Variants in PER1 observed in about 807,000 individuals in gnomAD.
PER1 encodes period circadian protein homolog 1.
Under a neutral mutation model 125.9 loss-of-function variants are expected in PER1, and 87 were observed. That is an observed-to-expected ratio of 0.69 (90% CI 0.58 to 0.83). The LOEUF is 0.83. Ranked by LOEUF, PER1 falls within the 40% of genes least tolerant of loss-of-function variation. The pLI is 0.00. For missense variants in PER1, 1,775 were observed against 1,722.8 expected (o/e 1.03, Z -0.54); for synonymous variants, 801 against 714.7 (o/e 1.12, Z -1.93).
Position 8,141,801 on chromosome 17 carries a change from T to A in PER1, c.3600+4A>T, listed in dbSNP as rs1982096745. 1 of 1,516,280 alleles carries A rather than the reference T, an allele frequency of 6.6e-7. No homozygotes were observed. The allele number at this position is 1,516,280 out of a possible 1,614,324, so 93.9% of individuals were successfully genotyped here. On this transcript the variant is annotated splice_donor_region_variant and intron_variant, in intron 22 of 22. Transcript: ENST00000317276. ...TTTTTCTCCCCGTCCCAGGCTTCTCTCACCATCACATCAAGAGCCCGAGGC... is the reference window on the plus strand; with the variant it reads ...TTTTTCTCCCCGTCCCAGGCTTCTCACACCATCACATCAAGAGCCCGAGGC...
rs977637639 is a variant in PER1 at position 8,150,512 on chromosome 17, T to C, written c.195A>G (p.Ala65=). ...NESNGHESRG[A]SQRSSHSSSS... ...AGGAGCTGTGTGAGCTCCGCTGAGATGCGCCTCTAGACTCATGCCCGTTGG... is the reference window on the plus strand; with the variant it reads ...AGGAGCTGTGTGAGCTCCGCTGAGACGCGCCTCTAGACTCATGCCCGTTGG... The change falls in exon 2 of 23, where the codon GCA becomes GCG. Residue 65 remains alanine, a synonymous_variant. Coordinates refer to ENST00000317276, the MANE Select transcript of PER1 (RefSeq NM_002616.3). 2 of 1,614,018 alleles carry C rather than the reference T, an allele frequency of 1.2e-6. No homozygotes were observed. Among genetic ancestry groups the C allele is most frequent in the Non-Finnish European group, 1.7e-6 (2 of 1,180,002 alleles).
rs1338292513 is a variant in PER1, at chr17:8,146,771, G to C, written c.1736-6C>G. 2.7e-5 allele frequency: 43 copies of C among 1,609,188 alleles called. No homozygotes were observed. The highest frequency in any genetic ancestry group is 3.6e-5 in the Non-Finnish European group (42 of 1,178,254). Reference sequence around the variant, plus strand: ...GGCCTTGAACGTGCCTGTAGCTGGGGCAAAGAGAGAAAGAGGAAAATAGCC... The same window carrying C: ...GGCCTTGAACGTGCCTGTAGCTGGGCCAAAGAGAGAAAGAGGAAAATAGCC... On this transcript the variant is annotated splice_polypyrimidine_tract_variant and splice_region_variant and intron_variant, in intron 14 of 22. Transcript: ENST00000317276.
intron 19 of PER1, 52 bp downstream of exon 19, chr17:8,143,214 G>C: frequency 2.3e-6 from 3 of 1,288,768 alleles, no homozygotes; most frequent in Non-Finnish European, 3.1e-6. Context: ...GGGTGGCAGA[G>C]GGGCGGGGCT....
At chr17:8,147,227 T>A (rs1461922317) in intron 13 of PER1, 23 bp downstream of exon 13, 1 of 1,588,762 alleles carries the variant, frequency 6.3e-7, no homozygotes, top group Non-Finnish European at 8.6e-7. Context: ...GATTAGAGGG[T>A]GAGGTAGGAG....
chr17:8,149,798 T>A lies in PER1; in HGVS notation c.608A>T (p.Glu203Val), dbSNP rs777279675. Residue 203 changes from glutamate (E) to valine (V), a missense_variant, in exon 5 of 23, where the codon GAG becomes GTG. Physicochemically the swap from Glu to Val is moderately radical, Grantham distance 121 (BLOSUM62 -2). Transcript: ENST00000317276. ...CSMDMSTYTL[E>V]ELEHITSEYT... is the part of the protein sequence containing the mutation. ...CTCAGACGTGATGTGCTCCAGCTCC[T>A]CCAGGGTATAGGTGGACATGTCCAT... 1 of 1,613,510 alleles carries A rather than the reference T, an allele frequency of 6.2e-7. No individual in the cohort carries two copies. Among genetic ancestry groups the A allele is most frequent in the Non-Finnish European group, 8.5e-7 (1 of 1,179,948 alleles).
In PER1 at chr17:8,145,970, G is replaced by T. The variant is rs765910222; in HGVS notation, c.2206C>A (p.Pro736Thr). 4 of 1,607,132 alleles carry T rather than the reference G, an allele frequency of 2.5e-6. No homozygotes were observed. In the South Asian group the frequency reaches 3.3e-5, roughly 13 times the overall value. ...TCCACACCCATACCCGACTCCGGGG[G>T]CTTCTTGTCTCCCACATGGACGATG... ...STIVHVGDKK[P>T]PESDIIMMED... The change falls in exon 17 of 23, where the codon CCC becomes ACC. Residue 736 changes from proline (P) to threonine (T), a missense_variant. Pro to Thr is a conservative substitution (Grantham distance 38, BLOSUM62 -1). Coordinates refer to ENST00000317276, the MANE Select transcript of PER1 (RefSeq NM_002616.3).
rs1247570853 is a variant in PER1, at chr17:8,146,377, T to C, written c.2033A>G (p.Lys678Arg). The C allele has an allele frequency of 6.2e-7, 1 of 1,602,420 alleles. No homozygotes were observed. Among genetic ancestry groups the C allele is most frequent in the South Asian group, 1.1e-5 (1 of 89,106 alleles). ...QRTGPVSVGT[K>R]KDPPSAALSG... ...AGGGTGCATTGGATCTTTACCTTTC[T>C]TGGTCCCCACAGAGACTGGACCTGT... is the stretch of plus-strand genomic sequence containing the variant. Residue 678 changes from lysine (K) to arginine (R), a missense_variant, in exon 16 of 23, where the codon AAG becomes AGG. Transcript: ENST00000317276.
chr17:8,142,095 C>T (rs1982116284), intron 21 of PER1, 140 bp from the exon 22 acceptor site: 1 of 1,254,582 alleles, frequency 8.0e-7, no homozygotes, highest in Non-Finnish European at 1.1e-6. Flanking sequence ...GTCAAGGCTT[C>T]CAAGACCAGG....
chr17:8,147,089 G>C (rs1982499948), intron 13 of PER1, 87 bp from the exon 14 acceptor site: 2 of 1,402,734 alleles, frequency 1.4e-6, no homozygotes, highest in Admixed American at 1.8e-5. Context: ...GAAGGTACCA[G>C]TGGGGAGGCA....
chr17:8,147,033 C>A (rs777694129), intron 13 of PER1, 31 bp from the exon 14 acceptor site: 1 of 1,576,528 alleles, frequency 6.3e-7, no homozygotes, highest in Non-Finnish European at 8.7e-7. Context: ...GTGAGCAGAA[C>A]CAGGGGGTGT....
In PER1 at chr17:8,150,318, C is replaced by T; in HGVS notation, c.276-1G>A. The T allele has an allele frequency of 6.5e-7, 1 of 1,549,286 alleles. No individual in the cohort carries two copies. Among genetic ancestry groups the T allele is most frequent in the Admixed American group, 1.9e-5 (1 of 52,132 alleles). ...TGGGGATGGGCTCTGAGAGTTTGTGCTAGGAGACAGCAACAGGCCCAGTTA... is the reference window on the plus strand; with the variant it reads ...TGGGGATGGGCTCTGAGAGTTTGTGTTAGGAGACAGCAACAGGCCCAGTTA... On this transcript the variant is annotated splice_acceptor_variant, in intron 2 of 22. Coordinates refer to ENST00000317276, the MANE Select transcript of PER1 (RefSeq NM_002616.3). LOFTEE classifies it high-confidence loss of function.
At position 8,146,691 on chromosome 17, in the gene PER1, C is replaced by A. The variant is rs753045671; in HGVS notation, c.1810G>T (p.Val604Phe). The change falls in exon 15 of 23, where the codon GTC becomes TTC. Residue 604 changes from valine (V) to phenylalanine (F), a missense_variant. Physicochemically the swap from Val to Phe is conservative, Grantham distance 50. Transcript: ENST00000317276. ...DPELEAGSAP[V>F]QAPLALVPEE... Reference sequence around the variant, plus strand: ...GGGACCAAGGCTAGTGGGGCCTGGACGGGAGCAGAACCCGCCTCCAGCTCT... The same window carrying A: ...GGGACCAAGGCTAGTGGGGCCTGGAAGGGAGCAGAACCCGCCTCCAGCTCT... 2.5e-6 allele frequency: 4 copies of A among 1,613,618 alleles called. No homozygotes were observed. The African/African-American group carries it at 4.0e-5, about 16-fold the overall frequency.
chr17:8,148,316 C>T (rs1388092444), intron 8 of PER1, 57 bp from the exon 9 acceptor site: 2 of 1,430,746 alleles, frequency 1.4e-6, no homozygotes, highest in South Asian at 1.2e-5. Context: ...ACTCCTCAGC[C>T]CTCCACTCTG....
At position 8,140,557 on chromosome 17, in the gene PER1, G is replaced by A. The variant is rs1048750; in HGVS notation, c.*511C>T. 1 of 232,672 alleles carries A rather than the reference G, an allele frequency of 4.3e-6. No homozygotes were observed. The highest frequency in any genetic ancestry group is 8.5e-6 in the Non-Finnish European group (1 of 117,650). 14.4% of individuals were successfully genotyped at this position (232,672 alleles called of 1,614,324 possible). ...TGCCATCGGCAGAGGGTACAGCTGA[G>A]AACGCCTGGGTCCCACCTGAGGGGC... On this transcript the variant is annotated 3_prime_UTR_variant, in exon 23 of 23. Coordinates refer to ENST00000317276, the MANE Select transcript of PER1 (RefSeq NM_002616.3).
At position 8,147,355 on chromosome 17, in the gene PER1, T is replaced by C; in HGVS notation, c.1524A>G (p.Gly508=). The C allele has an allele frequency of 6.2e-7, 1 of 1,613,452 alleles. No homozygotes were observed. Among genetic ancestry groups the C allele is most frequent in the Middle Eastern group, 1.7e-4 (1 of 6,060 alleles). Residue 508 remains glycine (G), a synonymous_variant, in exon 13 of 23, where the codon GGA becomes GGG. Coordinates refer to ENST00000317276, the MANE Select transcript of PER1 (RefSeq NM_002616.3). ...LQPVHSPSPT[G]LCGVGAVTSP... ...ATGTCACGGCGCCGACTCCACAGAG[T>C]CCCGTGGGGCTGGGGCTGTGGACGG... is the stretch of plus-strand genomic sequence containing the variant.
rs150325087 is a variant in PER1, at chr17:8,147,674, G to T, written c.1388C>A (p.Thr463Lys). ...AFVLGRHKVR[T>K]APLNEDVFTP... ...CAGCTCGGGGGCATGGCCCACTTAC[G>T]TGCGTACTTTGTGGCGGCCCAACAC... is the stretch of plus-strand genomic sequence containing the variant. Residue 463 changes from threonine (T) to lysine (K), a missense_variant and splice_region_variant, in exon 11 of 23, where the codon ACG becomes AAG. Coordinates refer to ENST00000317276, the MANE Select transcript of PER1 (RefSeq NM_002616.3). The T allele has an allele frequency of 4.0e-4, 649 of 1,613,994 alleles. 1 individual carries two copies. The highest frequency in any genetic ancestry group is 5.2e-4 in the Non-Finnish European group (618 of 1,180,014).
intron 7 of PER1, 161 bp downstream of exon 7, chr17:8,149,098 A>G: frequency 1.4e-6 from 1 of 694,904 alleles, no homozygotes; most frequent in Non-Finnish European, 2.5e-6. Context: ...CTGAGGCAGG[A>G]GAATCGCTTG....
At position 8,140,889 on chromosome 17, in the gene PER1, C is replaced by T. The variant is rs1982037641; in HGVS notation, c.*179G>A. 3 of 665,238 alleles carry T rather than the reference C, an allele frequency of 4.5e-6. No homozygotes were observed. The highest frequency in any genetic ancestry group is 3.9e-5 in the South Asian group (2 of 50,990). The allele number at this position is 665,238 out of a possible 1,614,324, so 41.2% of individuals were successfully genotyped here. A position where few individuals can be genotyped will look rare whatever the true frequency, so the allele number is the denominator to read the frequency against. The stretch of plus-strand genomic sequence containing the variant: ...GGCTGCGGAGTTCTGCTCTCTGCTC[C>T]CTAAGAGGCCAGAGGCAGCCCCTGG... On this transcript the variant is annotated 3_prime_UTR_variant, in exon 23 of 23. Coordinates refer to ENST00000317276, the MANE Select transcript of PER1 (RefSeq NM_002616.3).
Position 8,144,868 on chromosome 17 carries a change from C to T in PER1, c.2344G>A (p.Val782Met), listed in dbSNP as rs200955983. Residue 782 changes from valine to methionine, a missense_variant, in exon 18 of 23, where the codon GTG becomes ATG. Transcript: ENST00000317276. ...TCCTTCTGTGTGTGCAGGGACAGCA[C>T]GGCCTTGGTCAGCCCCACTGGACGG... ...AYRPVGLTKAVLSLHTQKEEQ... is the reference protein window; with the variant it reads ...AYRPVGLTKAMLSLHTQKEEQ... The T allele has an allele frequency of 2.0e-5, 32 of 1,578,842 alleles. No homozygotes were observed. The East Asian group carries it at 2.3e-4, about 11-fold the overall frequency.
Sources: allele counts gnomAD v4.1 joint callset, GRCh38; gene constraint gnomAD v4.1.1; transcripts MANE v1.5; gene names NCBI Gene and HGNC (gene_info 2026-07-23, HGNC 2026-07-21).